Variants in UNC13A observed in about 807,000 individuals in gnomAD.
The protein encoded by UNC13A is protein unc-13 homolog A.
In UNC13A, 61 loss-of-function variants were observed where a neutral mutation model predicts 219.7. That is an observed-to-expected ratio of 0.28 (90% CI 0.23 to 0.34). The LOEUF (loss-of-function observed/expected upper bound fraction) is 0.34, where lower values mean the gene tolerates loss of function less well. UNC13A is among the 10% of genes least tolerant of loss of function. UNC13A has a pLI of 1.00. For synonymous variants in UNC13A, 920 were observed against 884.6 expected (o/e 1.04, Z -0.71); for missense variants, 1,476 against 2,270.3 (o/e 0.65, Z 7.11).
In UNC13A at chr19:17,655,941, C is replaced by A; in HGVS notation, c.1225G>T (p.Asp409Tyr). 6.5e-7 allele frequency: 1 copy of A among 1,541,554 alleles called. No individual in the cohort carries two copies. ...ATCTGCTCAGCTGCAGGCACCTTGT[C>A]GGGCGTGGCTGGCTTGGGGGCCACC... ...AKVAPKPATPDKVPAAEQIPE... is the reference protein window; with the variant it reads ...AKVAPKPATPYKVPAAEQIPE... The change falls in exon 10 of 44, where the codon GAC becomes TAC. Residue 409 changes from aspartate (D) to tyrosine (Y), a missense_variant. Asp to Tyr is a radical substitution (Grantham distance 160). Transcript: ENST00000519716.
intron 7 of UNC13A, 110 bp from the exon 8 acceptor site, chr19:17,663,677 A>C: frequency 2.6e-6 from 3 of 1,159,332 alleles, no homozygotes; most frequent in Non-Finnish European, 3.8e-6. Flanking sequence ...CCCACCCCAA[A>C]AGTCCCTCTT....
chr19:17,611,941 G>T, intron 41 of UNC13A, 86 bp from the exon 42 acceptor site: 1 of 1,201,476 alleles, frequency 8.3e-7, no homozygotes, highest in Non-Finnish European at 1.2e-6. Flanking sequence ...CCACCCACCT[G>T]TGCTGGCGGC....
intron 16 of UNC13A, 127 bp from the exon 17 acceptor site, chr19:17,647,619 T>C (rs2079261008): frequency 1.2e-6 from 1 of 859,742 alleles, no homozygotes; most frequent in East Asian, 2.7e-5. Flanking sequence ...GCCGGTTTCC[T>C]ACCTGCTTTC....
At chr19:17,677,129 C>T (rs987353227) in intron 1 of UNC13A, among the ~76,000 whole-genome samples, 1 of 152,124 alleles carries the variant, frequency 6.6e-6, no homozygotes, top group African/African-American at 2.4e-5. Context: ...ATGTCAGGCA[C>T]CCCACTGAGG....
At position 17,648,411 on chromosome 19, in the gene UNC13A, C is replaced by A. The variant is rs777363415; in HGVS notation, c.1816+20G>T. 1.9e-5 allele frequency: 29 copies of A among 1,543,062 alleles called. No individual in the cohort carries two copies. Among genetic ancestry groups the A allele is most frequent in the Non-Finnish European group, 2.4e-5 (28 of 1,148,716 alleles). On this transcript the variant is annotated intron_variant, in intron 16 of 43. Coordinates refer to ENST00000519716, the MANE Select transcript of UNC13A (RefSeq NM_001080421.3). ...CTCCCCACGCCAACCCGTGGCCCTG[C>A]GCTCAGGCCCTGCGCTCACGCTGCA...
intron 9 of UNC13A, 92 bp downstream of exon 9, chr19:17,657,970 T>G (rs1161643883): frequency 7.3e-7 from 1 of 1,361,372 alleles, no homozygotes; most frequent in Non-Finnish European, 1.0e-6. Context: ...CTTCTGGAAC[T>G]CCACCTCCAG....
Position 17,656,076 on chromosome 19 carries a change from C to G in UNC13A, c.1090G>C (p.Val364Leu). 6.4e-7 allele frequency: 1 copy of G among 1,553,784 alleles called. No homozygotes were observed. Among genetic ancestry groups the G allele is most frequent in the Non-Finnish European group, 8.7e-7 (1 of 1,148,056 alleles). Residue 364 changes from valine (V) to leucine (L), a missense_variant, in exon 10 of 44, where the codon GTA (valine) becomes CTA (leucine). Physicochemically the swap from Val to Leu is conservative, Grantham distance 32. Coordinates refer to ENST00000519716, the MANE Select transcript of UNC13A (RefSeq NM_001080421.3). ...AAGTCTTTGGGCTCAGCCACAGCTA[C>G]GTCTTCACGCTGGGCATAGCTGCCC... ...DLGSYAQRED[V>L]AVAEPKDFKR...
In UNC13A at chr19:17,688,273, G is replaced by C; in HGVS notation, c.-74C>G. 1 of 1,380,510 alleles carries C rather than the reference G, an allele frequency of 7.2e-7. No individual in the cohort carries two copies. Among genetic ancestry groups the C allele is most frequent in the Non-Finnish European group, 9.4e-7 (1 of 1,068,118 alleles). The allele number at this position is 1,380,510 out of a possible 1,614,324, so 85.5% of individuals were successfully genotyped here. ...GGTCGGGCTCAGCGGCCGCTGGGCT[G>C]GGGCATCTCCCGGCTGCAGCCCGCG... On this transcript the variant is annotated 5_prime_UTR_variant, in exon 1 of 44. Transcript: ENST00000519716.
At chr19:17,677,905 TG>T (rs1303404654) in intron 1 of UNC13A, among the ~76,000 whole-genome samples, 20 of 152,184 alleles carry the variant, frequency 1.3e-4, no homozygotes, top group Non-Finnish European at 2.9e-4. Flanking sequence ...TCGTTTTGCT[TG>T]ATTTCCAAGA....
chr19:17,685,495 G>A (rs187075318), intron 1 of UNC13A, among the ~76,000 whole-genome samples: 4 of 152,218 alleles, frequency 2.6e-5, no homozygotes, highest in Non-Finnish European at 4.4e-5. Flanking sequence ...CACCGCGCTC[G>A]GCTGGACATG....
At position 17,631,260 on chromosome 19, in the gene UNC13A, G is replaced by A. The variant is rs370714618; in HGVS notation, c.3429-510C>T. 1.6e-4 allele frequency among the ~76,000 whole-genome samples: 21 copies of A among 129,266 alleles called. No individual in the cohort carries two copies. The East Asian group carries it at 3.2e-3, about 20-fold the overall frequency. 84.8% of individuals were successfully genotyped at this position (129,266 alleles called of 152,430 possible). A position where few individuals can be genotyped will look rare whatever the true frequency, so the allele number is the denominator to read the frequency against. On this transcript the variant is annotated intron_variant, in intron 28 of 43. Transcript: ENST00000519716. Reference sequence around the variant, plus strand: ...CTTCCTTCCTGGGTCTTGTTCTGTTGCCCAGGCTAAAGTGCAGTGGTGCGA... The same window carrying A: ...CTTCCTTCCTGGGTCTTGTTCTGTTACCCAGGCTAAAGTGCAGTGGTGCGA...
intron 7 of UNC13A, among the ~76,000 whole-genome samples, chr19:17,666,327 C>T (rs562285408): frequency 1.3e-5 from 2 of 152,168 alleles, no homozygotes; most frequent in African/African-American, 4.8e-5. Flanking sequence ...ATTCTCCTGC[C>T]TCAGCCTTCT....
intron 28 of UNC13A, 150 bp downstream of exon 28, chr19:17,632,632 T>C (rs1171442475): frequency 8.6e-7 from 1 of 1,158,148 alleles, no homozygotes; most frequent in East Asian, 2.5e-5. Flanking sequence ...AACTGCTCAA[T>C]GGCTGAGAGT....
At position 17,659,958 on chromosome 19, in the gene UNC13A, C is replaced by T. The variant is rs79125782; in HGVS notation, c.560-1689G>A. Among the ~76,000 whole-genome samples the T allele has an allele frequency of 8.6e-3, 1,311 of 152,272 alleles. 17 individuals are homozygous for T. Among genetic ancestry groups the T allele is most frequent in the African/African-American group, 0.03 (1,245 of 41,550 alleles). On this transcript the variant is annotated intron_variant, in intron 8 of 43. Coordinates refer to ENST00000519716, the MANE Select transcript of UNC13A (RefSeq NM_001080421.3). ...TCACTTGGGCTGGAGCGCAGTGGCG[C>T]GATCAAAACTCACTGAAACCTCGAC...
chr19:17,666,211 C>CTCTTTA (rs2079644864), intron 7 of UNC13A, among the ~76,000 whole-genome samples: 2 of 145,886 alleles, frequency 1.4e-5, no homozygotes, highest in Non-Finnish European at 3.0e-5. Context: ...CTTTCTCTTT[C>CTCTTTA]TTTCCTTCCT....
At chr19:17,611,944 C>G in intron 41 of UNC13A, 89 bp from the exon 42 acceptor site, 1 of 1,152,620 alleles carries the variant, frequency 8.7e-7, no homozygotes, top group South Asian at 1.4e-5. Flanking sequence ...CCCACCTGTG[C>G]TGGCGGCACC....
At chr19:17,648,345 G>A (rs751140536) in intron 16 of UNC13A, 86 bp downstream of exon 16, 1 of 515,840 alleles carries the variant, frequency 1.9e-6, no homozygotes, top group Non-Finnish European at 2.4e-6. Flanking sequence ...CCCACCCATC[G>A]CCTTGCCCTT....
intron 38 of UNC13A, among the ~76,000 whole-genome samples, chr19:17,619,780 T>C (rs1423094): frequency 0.31 from 47,234 of 151,906 alleles, 7,717 homozygotes; most frequent in African/African-American, 0.35. Context: ...AACACCTCCA[T>C]ATCCGTCCTC....
At chr19:17,648,053 A>T (rs2079273012) in intron 16 of UNC13A, among the ~76,000 whole-genome samples, 1 of 111,084 alleles carries the variant, frequency 9.0e-6, no homozygotes, top group Non-Finnish European at 1.8e-5. Context: ...CGCAGTCTGA[A>T]CCCCTTCCCT....
Sources: gnomAD v4.1 joint callset for allele counts (sites outside exome capture counted in the v4.1 genomes callset) on GRCh38, gnomAD v4.1.1 for gene constraint, MANE v1.5 for transcripts, NCBI Gene and HGNC (gene_info 2026-07-23, HGNC 2026-07-21) for gene names.